Variants in LUZP1 observed in about 807,000 individuals in gnomAD.
The protein encoded by LUZP1 is filamin mechanobinding actin cross-linking protein.
A neutral mutation model predicts 71.3 loss-of-function variants in LUZP1; 25 were observed. That is an observed-to-expected ratio of 0.35 (90% CI 0.26 to 0.49). The LOEUF (loss-of-function observed/expected upper bound fraction) is 0.49. Ranked by LOEUF, LUZP1 falls within the 20% of genes least tolerant of loss-of-function variation. The pLI is 0.99. For synonymous variants in LUZP1, 481 were observed against 506.4 expected (o/e 0.95, Z 0.67); for missense variants, 1,142 against 1,300.8 (o/e 0.88, Z 1.88).
At chr1:23,165,820 A>T (rs889383355) in intron 2 of LUZP1, among the ~76,000 whole-genome samples, 3 of 152,174 alleles carry the variant, frequency 2.0e-5, no homozygotes, top group Admixed American at 2.0e-4. Flanking sequence ...GCTGTATTAC[A>T]TGAAAAATGA....
intron 1 of LUZP1, among the ~76,000 whole-genome samples, chr1:23,174,682 C>A (rs1352651405): frequency 6.6e-6 from 1 of 152,022 alleles, no homozygotes; most frequent in African/African-American, 2.4e-5. Flanking sequence ...GAAAAAAAGG[C>A]AATAAAGATA....
chr1:23,126,741 A>G (rs1207890148), intron 2 of LUZP1, among the ~76,000 whole-genome samples: 6 of 152,170 alleles, frequency 3.9e-5, no homozygotes, highest in Non-Finnish European at 7.4e-5. Context: ...TTCATCCTGG[A>G]TGGCCATTCT....
rs748289274 is a variant in LUZP1, at chr1:23,093,109, C to T, written c.1153G>A (p.Val385Met). ...AGTTCCCGCGCTGTGTGCTTGGACACAGAAGCTTCACTTCCGTGGCCTCTA... is the reference window on the plus strand; with the variant it reads ...AGTTCCCGCGCTGTGTGCTTGGACATAGAAGCTTCACTTCCGTGGCCTCTA... Residue 385 changes from valine (V) to methionine (M), a missense_variant, in exon 4 of 5, where the codon GTG (valine) becomes ATG (methionine). Transcript: ENST00000302291. The surrounding 1 kb of genome is among the most constrained non-coding windows in gnomAD (Gnocchi z 4.2). 4 of 1,614,058 alleles carry T rather than the reference C, an allele frequency of 2.5e-6. No individual in the cohort carries two copies. The Admixed American group carries it at 6.7e-5, about 27-fold the overall frequency.
At chr1:23,103,211 C>T (rs1643945421) in intron 3 of LUZP1, among the ~76,000 whole-genome samples, 1 of 151,732 alleles carries the variant, frequency 6.6e-6, no homozygotes, top group Non-Finnish European at 1.5e-5. Flanking sequence ...TTCTAAAGTA[C>T]TGGGATTACA....
intron 3 of LUZP1, among the ~76,000 whole-genome samples, chr1:23,098,272 A>T (rs1419408761): frequency 2.6e-5 from 4 of 152,178 alleles, no homozygotes; most frequent in African/African-American, 9.7e-5. Flanking sequence ...TATAATAGAA[A>T]CTAATGAAGT....
chr1:23,152,511 A>G (rs1644392483), intron 2 of LUZP1, among the ~76,000 whole-genome samples: 1 of 151,860 alleles, frequency 6.6e-6, no homozygotes, highest in Non-Finnish European at 1.5e-5. Context: ...TAATACCACA[A>G]ATGTTCCTCA....
intron 2 of LUZP1, among the ~76,000 whole-genome samples, chr1:23,146,513 G>A (rs1332760228): frequency 6.6e-6 from 1 of 152,152 alleles, no homozygotes; most frequent in East Asian, 1.9e-4. Flanking sequence ...AGAACTAAAT[G>A]GGACCCCCAT....
chr1:23,170,677 C>T (rs1324336010), intron 1 of LUZP1, among the ~76,000 whole-genome samples: 1 of 151,704 alleles, frequency 6.6e-6, no homozygotes, highest in Non-Finnish European at 1.5e-5. Context: ...ATGTTGGCCA[C>T]GCTGGTCTCG....
intron 3 of LUZP1, among the ~76,000 whole-genome samples, chr1:23,101,185 T>C (rs1468735691): frequency 2.0e-5 from 3 of 152,216 alleles, no homozygotes; most frequent in African/African-American, 7.2e-5. Context: ...GAATCTCAGA[T>C]CATTTACTTT....
intron 2 of LUZP1, among the ~76,000 whole-genome samples, chr1:23,110,641 C>T (rs1473119939): frequency 2.6e-5 from 4 of 150,954 alleles, no homozygotes; most frequent in African/African-American, 4.9e-5. Flanking sequence ...CACATACACA[C>T]ACACACACAC....
intron 1 of LUZP1, among the ~76,000 whole-genome samples, chr1:23,177,215 T>C (rs1644587774): frequency 6.6e-6 from 1 of 152,116 alleles, no homozygotes; most frequent in African/African-American, 2.4e-5. Context: ...TTAACCCTTG[T>C]TGGATCACTG....
chr1:23,108,767 G>A (rs887439207), intron 3 of LUZP1, among the ~76,000 whole-genome samples: 2 of 152,198 alleles, frequency 1.3e-5, no homozygotes, highest in African/African-American at 2.4e-5. Context: ...GACTGCGCCC[G>A]ACATAGAGTA....
chr1:23,110,385 G>T (rs1023136771), intron 2 of LUZP1, among the ~76,000 whole-genome samples: 5 of 152,172 alleles, frequency 3.3e-5, no homozygotes, highest in Admixed American at 1.3e-4. Context: ...AACTTCTTGT[G>T]TTATCTTACT....
At chr1:23,084,212 A>C (rs964634788) in exon 5 of LUZP1, 1 of 152,204 alleles carries the variant, frequency 6.6e-6, no homozygotes, top group African/African-American at 2.4e-5. Context: ...ACAGAAATCT[A>C]TTCGAAAGTT....
chr1:23,171,412 G>A (rs1644552096), intron 1 of LUZP1, among the ~76,000 whole-genome samples: 1 of 152,250 alleles, frequency 6.6e-6, no homozygotes, highest in African/African-American at 2.4e-5. Flanking sequence ...GGGTCAGCGT[G>A]TAGTTCTCTC....
chr1:23,114,488 T>C (rs950957269), intron 2 of LUZP1, among the ~76,000 whole-genome samples: 2 of 152,166 alleles, frequency 1.3e-5, no homozygotes, highest in African/African-American at 4.8e-5. Context: ...CCAACCTAGG[T>C]GGTTTTAAAA....
At chr1:23,088,388 G>C (rs1255388221) in exon 5 of LUZP1, 1 of 152,892 alleles carries the variant, frequency 6.5e-6, no homozygotes, top group African/African-American at 2.4e-5. Context: ...ACTCCAAGGG[G>C]AAAGAAATGA....
chr1:23,135,827 GGGATCAGAATTT>G (rs1465894307), intron 2 of LUZP1, among the ~76,000 whole-genome samples: 4 of 152,100 alleles, frequency 2.6e-5, no homozygotes, highest in African/African-American at 9.7e-5. Context: ...TAAATTATTA[GGGATCAGAATTT>G]GGAGACAAAT....
At chr1:23,087,762 T>C (rs1372069745) in exon 5 of LUZP1, 2 of 152,690 alleles carry the variant, frequency 1.3e-5, no homozygotes, top group Non-Finnish European at 2.9e-5. Context: ...TTGAACTATA[T>C]AAAGCTGAGG....
Sources: gnomAD v4.1 joint callset for allele counts (sites outside exome capture counted in the v4.1 genomes callset) on GRCh38, gnomAD v4.1.1 for gene constraint, Gnocchi (gnomAD v3.1) non-coding constraint, MANE v1.5 for transcripts, NCBI Gene and HGNC (gene_info 2026-07-23, HGNC 2026-07-21) for gene names.